The following RPN2 variants were observed in gnomAD, a reference collection of about 807,000 sequenced individuals.
The protein encoded by RPN2 is ribophorin II, also known as dolichyl-diphosphooligosaccharide--protein glycosyltransferase subunit 2.
RPN2 carries 29 observed loss-of-function variants against 71.4 expected under a neutral mutation model. That is an observed-to-expected ratio of 0.41 (90% CI 0.30 to 0.55). The LOEUF (loss-of-function observed/expected upper bound fraction) is 0.55. Among genes scored for constraint, RPN2 ranks in the 20% least tolerant of loss-of-function variants. The probability of loss-of-function intolerance (pLI) is 0.35; values close to 1 mark genes in which losing one functional copy is unlikely to be tolerated. For synonymous variants in RPN2, 308 were observed against 305.0 expected (o/e 1.01, Z -0.10); for missense variants, 726 against 774.1 (o/e 0.94, Z 0.74).
chr20:37,236,522 A>C, intron 15 of RPN2, 58 bp from the exon 16 acceptor site: 1 of 1,599,930 alleles, frequency 6.3e-7, no homozygotes, highest in Non-Finnish European at 8.5e-7. Flanking sequence ...AACTTTCCTC[A>C]ACCGCAGGGC....
At chr20:37,200,249 A>G (rs1308389299) in intron 4 of RPN2, among the ~76,000 whole-genome samples, 1 of 152,034 alleles carries the variant, frequency 6.6e-6, no homozygotes, top group Non-Finnish European at 1.5e-5. Flanking sequence ...TTGGCCTCCC[A>G]AAGTGCTGGG....
intron 9 of RPN2, among the ~76,000 whole-genome samples, chr20:37,217,545 C>A (rs556093918): frequency 7.2e-5 from 11 of 152,128 alleles, no homozygotes; most frequent in African/African-American, 2.7e-4. Context: ...CCTGCCTCGG[C>A]CTCCCAAAAT....
At chr20:37,205,095 T>G (rs1258410928) in intron 6 of RPN2, among the ~76,000 whole-genome samples, 194 bp downstream of exon 6, 1 of 152,140 alleles carries the variant, frequency 6.6e-6, no homozygotes, top group Non-Finnish European at 1.5e-5. Context: ...GCTAGTGAGG[T>G]AGACGTGTAA....
intron 8 of RPN2, among the ~76,000 whole-genome samples, chr20:37,213,166 AACATATGTGGGATC>A (rs2067716528): frequency 6.6e-6 from 1 of 152,206 alleles, no homozygotes; most frequent in African/African-American, 2.4e-5. Flanking sequence ...GTCATTGTGA[AACATATGTGGGATC>A]ACATTGTAAA....
chr20:37,215,559 C>T (rs888382919), intron 9 of RPN2, among the ~76,000 whole-genome samples: 2 of 152,084 alleles, frequency 1.3e-5, no homozygotes, highest in African/African-American at 4.8e-5. Flanking sequence ...GAAACCTCTT[C>T]TTCCCTGTAC....
At chr20:37,188,747 G>A (rs2067071655) in intron 2 of RPN2, among the ~76,000 whole-genome samples, 1 of 151,400 alleles carries the variant, frequency 6.6e-6, no homozygotes, top group African/African-American at 2.4e-5. Flanking sequence ...CCCTCGAGTA[G>A]CTGGGACTAC....
chr20:37,185,983 C>G (rs2066998628), intron 2 of RPN2, among the ~76,000 whole-genome samples: 1 of 152,248 alleles, frequency 6.6e-6, no homozygotes, highest in South Asian at 2.1e-4. Flanking sequence ...GGTTGTGGGC[C>G]TGAGGTCTCC....
At chr20:37,240,747 T>C (rs2068528941) in intron 16 of RPN2, among the ~76,000 whole-genome samples, 1 of 152,238 alleles carries the variant, frequency 6.6e-6, no homozygotes, top group African/African-American at 2.4e-5. Context: ...TTCTGTGAGC[T>C]GAGTCCCATT....
intron 1 of RPN2, among the ~76,000 whole-genome samples, chr20:37,182,898 C>T (rs1459119483): frequency 1.3e-5 from 2 of 152,184 alleles, no homozygotes; most frequent in Admixed American, 1.3e-4. Context: ...TGTACCACTC[C>T]TGCAGCTTCC....
At chr20:37,199,827 G>A (rs2067340504) in intron 4 of RPN2, among the ~76,000 whole-genome samples, 1 of 152,042 alleles carries the variant, frequency 6.6e-6, no homozygotes, top group Non-Finnish European at 1.5e-5. Context: ...GATAATATAT[G>A]TAGTTTTAAA....
At chr20:37,227,925 T>C (rs755302785) in intron 11 of RPN2, among the ~76,000 whole-genome samples, 20 of 152,218 alleles carry the variant, frequency 1.3e-4, no homozygotes, top group Non-Finnish European at 2.5e-4. Context: ...CACACAGATA[T>C]GCCACATCTG....
intron 6 of RPN2, among the ~76,000 whole-genome samples, chr20:37,205,819 C>T (rs145039998): frequency 4.6e-5 from 7 of 152,184 alleles, no homozygotes; most frequent in African/African-American, 9.6e-5. Flanking sequence ...TCTTAGGGTA[C>T]AGATTGTTTG....
intron 12 of RPN2, among the ~76,000 whole-genome samples, chr20:37,229,217 ATGT>A (rs1276404743): frequency 3.9e-5 from 6 of 152,216 alleles, no homozygotes; most frequent in Non-Finnish European, 8.8e-5. Flanking sequence ...TTTGTGTAGC[ATGT>A]TGTTGTTTAC....
chr20:37,209,416 C>T (rs1721200461), intron 7 of RPN2, among the ~76,000 whole-genome samples: 1 of 152,164 alleles, frequency 6.6e-6, no homozygotes, highest in African/African-American at 2.4e-5. Flanking sequence ...ATCTCGGCCT[C>T]CCAAAGTACT....
chr20:37,204,736 C>T, intron 5 of RPN2, 31 bp from the exon 6 acceptor site: 1 of 1,613,346 alleles, frequency 6.2e-7, no homozygotes, highest in Non-Finnish European at 8.5e-7. Flanking sequence ...TGTTACTTGA[C>T]ATCCAGCATA....
chr20:37,207,359 T>C lies in RPN2; in HGVS notation c.777T>C (p.Ala259=). ...AAGCCTTCAGCGTGGCCTCTGCAGC[T>C]GCTGTGCTCTCGCATAATCGCTACC... ...LSEAFSVASA[A]AVLSHNRYHV... The change falls in exon 7 of 17, where the codon GCT becomes GCC. Residue 259 remains alanine, a synonymous_variant. Transcript: ENST00000237530. The C allele has an allele frequency of 6.2e-7, 1 of 1,614,120 alleles. No individual in the cohort carries two copies. Among genetic ancestry groups the C allele is most frequent in the Non-Finnish European group, 8.5e-7 (1 of 1,179,928 alleles).
intron 8 of RPN2, among the ~76,000 whole-genome samples, chr20:37,211,731 A>G (rs977011084): frequency 2.7e-5 from 4 of 145,934 alleles, no homozygotes; most frequent in Non-Finnish European, 4.5e-5. Flanking sequence ...TTCTTTTACA[A>G]TTTTTTTTTT....
intron 6 of RPN2, among the ~76,000 whole-genome samples, 198 bp downstream of exon 6, chr20:37,205,099 C>T (rs116888170): frequency 8.5e-5 from 13 of 152,194 alleles, no homozygotes; most frequent in Admixed American, 3.3e-4. Flanking sequence ...GTGAGGTAGA[C>T]GTGTAAACAA....
At chr20:37,209,245 T>C (rs2067596297) in intron 7 of RPN2, among the ~76,000 whole-genome samples, 1 of 152,252 alleles carries the variant, frequency 6.6e-6, no homozygotes, top group African/African-American at 2.4e-5. Context: ...TTTCAACAAA[T>C]GATAGTTATT....
Sources: gnomAD v4.1 joint callset for allele counts (sites outside exome capture counted in the v4.1 genomes callset) on GRCh38, gnomAD v4.1.1 for gene constraint, MANE v1.5 for transcripts, NCBI Gene and HGNC (gene_info 2026-07-23, HGNC 2026-07-21) for gene names.